SLC22A2: variants seen among roughly 807,000 people sequenced by gnomAD.
SLC22A2 encodes solute carrier family 22 member 2, also known as organic cation transporter 2.
A neutral mutation model predicts 60.5 loss-of-function variants in SLC22A2; 46 were observed. That is an observed-to-expected ratio of 0.76 (90% confidence interval 0.60 to 0.97). The LOEUF (loss-of-function observed/expected upper bound fraction) is 0.97. Among genes scored for constraint, SLC22A2 ranks in the 50% least tolerant of loss-of-function variants. The pLI is 0.00. For missense variants in SLC22A2, 701 were observed against 706.6 expected (o/e 0.99, Z 0.09); for synonymous variants, 303 against 267.0 (o/e 1.13, Z -1.31).
chr6:160,227,994 A>G (rs1032884885), intron 9 of SLC22A2, among the ~76,000 whole-genome samples: 1 of 152,228 alleles, frequency 6.6e-6, no homozygotes, highest in African/African-American at 2.4e-5. Flanking sequence ...CTCATTAATA[A>G]CCCACCTTTT....
In SLC22A2 at chr6:160,241,605, A is replaced by T; in HGVS notation, c.1389-19T>A. The T allele has an allele frequency of 6.6e-7, 1 of 1,520,884 alleles. No individual in the cohort carries two copies. Among genetic ancestry groups the T allele is most frequent in the Non-Finnish European group, 9.1e-7 (1 of 1,095,554 alleles). The allele number at this position is 1,520,884 out of a possible 1,614,324, so 94.2% of individuals were successfully genotyped here. A position where few individuals can be genotyped will look rare whatever the true frequency, so the allele number is the denominator to read the frequency against. On this transcript the variant is annotated intron_variant, in intron 8 of 10. Transcript: ENST00000366953. The stretch of plus-strand genomic sequence containing the variant: ...AAGATTCCTAGAATGCAGGAAACTG[A>T]TTTAACTTGTTAACTTATCACAGTG...
In SLC22A2 at chr6:160,225,854, T is replaced by G. The variant is rs138667469; in HGVS notation, c.1502-1050A>C. 7.6e-3 allele frequency among the ~76,000 whole-genome samples: 1,152 copies of G among 152,352 alleles called. 14 individuals carry two copies. Among genetic ancestry groups the G allele is most frequent in the African/African-American group, 0.026 (1,073 of 41,580 alleles). On this transcript the variant is annotated intron_variant, in intron 9 of 10. Transcript: ENST00000366953. The stretch of plus-strand genomic sequence containing the variant: ...AGATCTAACTTAATCGACTTCATCT[T>G]GCTTCTAACCTCCAAGCTGTCCTTG...
intron 9 of SLC22A2, among the ~76,000 whole-genome samples, chr6:160,230,078 G>A (rs1471917382): frequency 6.6e-6 from 1 of 151,632 alleles, no homozygotes; most frequent in African/African-American, 2.4e-5. Context: ...TCATCACTGG[G>A]TCTTTCCAAT....
At chr6:160,242,019 A>T (rs77958562) in intron 8 of SLC22A2, among the ~76,000 whole-genome samples, 177 of 151,888 alleles carry the variant, frequency 1.2e-3, no homozygotes, top group East Asian at 4.5e-3. Flanking sequence ...GTTTCTATGG[A>T]CCTGTTTGTG....
intron 8 of SLC22A2, among the ~76,000 whole-genome samples, 185 bp from the exon 9 acceptor site, chr6:160,241,771 T>C (rs372671316): frequency 6.6e-6 from 1 of 151,090 alleles, no homozygotes; most frequent in African/African-American, 2.4e-5. Flanking sequence ...CATACAACCA[T>C]ATACCACCTG....
chr6:160,223,899 T>G (rs1030538659), intron 10 of SLC22A2, among the ~76,000 whole-genome samples: 6 of 152,088 alleles, frequency 3.9e-5, no homozygotes, highest in African/African-American at 1.4e-4. Context: ...AGATAATTTT[T>G]TTGTACTTTT....
At chr6:160,217,748 T>A in intron 10 of SLC22A2, 1 of 364,408 alleles carries the variant, frequency 2.7e-6, no homozygotes, top group South Asian at 4.8e-5. Flanking sequence ...GTTCCTTTTT[T>A]AGGGTGTTCA....
intron 9 of SLC22A2, among the ~76,000 whole-genome samples, chr6:160,228,944 C>T (rs761128587): frequency 4.9e-4 from 74 of 151,808 alleles, no homozygotes; most frequent in Non-Finnish European, 8.5e-4. Flanking sequence ...TATCTCCCTT[C>T]GATGACTGTC....
rs538484197 is a variant in SLC22A2 at position 160,249,816 on chromosome 6, T to C, written c.674-432A>G. On this transcript the variant is annotated intron_variant, in intron 3 of 10. Transcript: ENST00000366953. The stretch of plus-strand genomic sequence containing the variant: ...ATGGGTTTAACATTTATCTTGCAAG[T>C]CCTATTTGTTTATTTGTATAAATGG... 1.3e-3 allele frequency among the ~76,000 whole-genome samples: 202 copies of C among 152,336 alleles called. 1 individual carries two copies. Among genetic ancestry groups the C allele is most frequent in the African/African-American group, 4.6e-3 (191 of 41,570 alleles).
At chr6:160,237,038 C>A (rs1468093654) in intron 9 of SLC22A2, among the ~76,000 whole-genome samples, 2 of 152,112 alleles carry the variant, frequency 1.3e-5, no homozygotes, top group Non-Finnish European at 2.9e-5. Flanking sequence ...AAATGGGAAA[C>A]TGGAGAGAGA....
At chr6:160,250,801 G>A (rs1783173483) in intron 2 of SLC22A2, 99 bp from the exon 3 acceptor site, 3 of 1,243,998 alleles carry the variant, frequency 2.4e-6, no homozygotes, top group Admixed American at 2.0e-5. Context: ...CAAAGTTAGA[G>A]GTTAACTTTA....
chr6:160,247,261 T>A lies in SLC22A2; in HGVS notation c.880A>T (p.Asn294Tyr). 1 of 1,613,638 alleles carries A rather than the reference T, an allele frequency of 6.2e-7. No individual in the cohort carries two copies. Among genetic ancestry groups the A allele is most frequent in the East Asian group, 2.2e-5 (1 of 44,870 alleles). The change falls in exon 5 of 11, where the codon AAT becomes TAT. Residue 294 changes from asparagine (N) to tyrosine (Y), a missense_variant. Physicochemically the swap from Asn to Tyr is moderately radical, Grantham distance 143. Coordinates refer to ENST00000366953, the MANE Select transcript of SLC22A2 (RefSeq NM_003058.4). ...PESPRWLISQ[N>Y]KNAEAMRIIK... is the part of the protein sequence containing the mutation. The stretch of plus-strand genomic sequence containing the variant: ...ATTCTCATGGCTTCAGCATTCTTAT[T>A]CTGGGAGATCAGCCACCTGGGAGAC...
At chr6:160,218,693 G>T (rs372610281) in intron 10 of SLC22A2, among the ~76,000 whole-genome samples, 2 of 35,152 alleles carry the variant, frequency 5.7e-5, no homozygotes, top group South Asian at 2.1e-3. Context: ...AACAGCATCA[G>T]CAGCAGCAGC....
At chr6:160,246,040 G>A (rs1415667915) in intron 5 of SLC22A2, among the ~76,000 whole-genome samples, 3 of 151,938 alleles carry the variant, frequency 2.0e-5, no homozygotes, top group Non-Finnish European at 2.9e-5. Context: ...GCTAATTTTT[G>A]TATTTTTAAC....
Position 160,256,656 on chromosome 6 carries a change from C to T in SLC22A2, c.476G>A (p.Gly159Glu), listed in dbSNP as rs1284400109. ...GATACTCATAGAGCCAATAAAGAAT[C>T]CTACATTCACTGATGACTGGAATAG... ...LDLFQSSVNV[G>E]FFIGSMSIGY... is the part of the protein sequence containing the mutation. Residue 159 changes from glycine to glutamate, a missense_variant, in exon 2 of 11, where the codon GGA becomes GAA. By Grantham distance (98) the Gly-to-Glu change is moderately conservative. Coordinates refer to ENST00000366953, the MANE Select transcript of SLC22A2 (RefSeq NM_003058.4). The T allele has an allele frequency of 6.2e-7, 1 of 1,614,074 alleles. No individual in the cohort carries two copies. Among genetic ancestry groups the T allele is most frequent in the South Asian group, 1.1e-5 (1 of 91,078 alleles).
In SLC22A2 at chr6:160,249,206, A is replaced by G. The variant is rs375786633; in HGVS notation, c.842+10T>C. 1 of 1,560,804 alleles carries G rather than the reference A, an allele frequency of 6.4e-7. No homozygotes were observed. The highest frequency in any genetic ancestry group is 8.7e-7 in the Non-Finnish European group (1 of 1,148,450). Reference sequence around the variant, plus strand: ...TTGATTTATTTCCTTTTTATTCCAAATGGACTTACCAGTAATAGAGCAAGA... The same window carrying G: ...TTGATTTATTTCCTTTTTATTCCAAGTGGACTTACCAGTAATAGAGCAAGA... On this transcript the variant is annotated intron_variant, in intron 4 of 10. Transcript: ENST00000366953.
At chr6:160,229,407 C>A (rs1319065259) in intron 9 of SLC22A2, among the ~76,000 whole-genome samples, 1 of 151,908 alleles carries the variant, frequency 6.6e-6, no homozygotes, top group Admixed American at 6.5e-5. Flanking sequence ...TGTGGGGATG[C>A]CTGCCTGATT....
chr6:160,228,593 G>A (rs1281357401), intron 9 of SLC22A2, among the ~76,000 whole-genome samples: 1 of 152,148 alleles, frequency 6.6e-6, no homozygotes, highest in Non-Finnish European at 1.5e-5. Context: ...GCACTCTGCT[G>A]ATGTCTATGG....
rs533008349 is a variant in SLC22A2 at position 160,240,253 on chromosome 6, A to C, written c.1501+1221T>G. On this transcript the variant is annotated intron_variant, in intron 9 of 10. Coordinates refer to ENST00000366953, the MANE Select transcript of SLC22A2 (RefSeq NM_003058.4). ...ATGTTTCCATCCTTGTGAGACTTTA[A>C]CTAGTGCCCAGTTAAATTTACATTT... is the stretch of plus-strand genomic sequence containing the variant. Among the ~76,000 whole-genome samples, 23 of 152,290 alleles carry C rather than the reference A, an allele frequency of 1.5e-4. No homozygotes were observed. In the South Asian group the frequency reaches 4.4e-3, roughly 29 times the overall value.
Sources: gnomAD v4.1 joint callset for allele counts (sites outside exome capture counted in the v4.1 genomes callset) on GRCh38, gnomAD v4.1.1 for gene constraint, MANE v1.5 for transcripts, NCBI Gene and HGNC (gene_info 2026-07-23, HGNC 2026-07-21) for gene names.